The following ADD3 variants were observed in gnomAD, a reference collection of about 807,000 sequenced individuals.
The protein encoded by ADD3 is gamma-adducin.
In ADD3, 25 loss-of-function variants were observed where a neutral mutation model predicts 80.2. The observed-to-expected ratio is 0.31, with a 90% CI of 0.23 to 0.44. The LOEUF (loss-of-function observed/expected upper bound fraction) is 0.44. Among genes scored for constraint, ADD3 ranks in the 20% least tolerant of loss-of-function variants. ADD3 has a pLI of 1.00. For synonymous variants in ADD3, 284 were observed against 289.6 expected, an observed-to-expected ratio of 0.98 and a Z score of 0.20; for missense variants, 829 against 847.5, an observed-to-expected ratio of 0.98 and a Z score of 0.27.
intron 1 of ADD3, among the ~76,000 whole-genome samples, chr10:110,042,215 A>G (rs1856449993): frequency 6.6e-6 from 1 of 152,242 alleles, no homozygotes; most frequent in South Asian, 2.1e-4. Context: ...TATTCTGTGG[A>G]TAAACTAGTG....
chr10:110,085,561 T>C (rs1468870475), intron 1 of ADD3, among the ~76,000 whole-genome samples: 2 of 152,078 alleles, frequency 1.3e-5, no homozygotes, highest in African/African-American at 2.4e-5. Flanking sequence ...TTGGTAGAAG[T>C]CCAGATCCAA....
At chr10:110,096,270 TGTTA>T (rs1482820821) in intron 1 of ADD3, among the ~76,000 whole-genome samples, 1 of 152,232 alleles carries the variant, frequency 6.6e-6, no homozygotes, top group African/African-American at 2.4e-5. Flanking sequence ...AACACATTCT[TGTTA>T]GTTTGTGCTC....
chr10:110,045,285 C>T (rs766723684), intron 1 of ADD3, among the ~76,000 whole-genome samples: 20 of 151,880 alleles, frequency 1.3e-4, no homozygotes, highest in Non-Finnish European at 2.5e-4. Flanking sequence ...ACCCAGGAGT[C>T]GGAGGTTGCA....
In ADD3 at chr10:110,036,137, C is replaced by T. The variant is rs186349333; in HGVS notation, c.-30+27838C>T. ...CTGCACTCCAGCGTGGGCAACAGAACGAGACTCCATCTCAAAAAAACAAAC... is the reference window on the plus strand; with the variant it reads ...CTGCACTCCAGCGTGGGCAACAGAATGAGACTCCATCTCAAAAAAACAAAC... On this transcript the variant is annotated intron_variant, in intron 1 of 14. Transcript: ENST00000356080. Among the ~76,000 whole-genome samples the T allele has an allele frequency of 1.5e-4, 23 of 152,016 alleles. No individual in the cohort carries two copies. The East Asian group carries it at 1.9e-3, about 13-fold the overall frequency.
At chr10:110,114,036 TA>T (rs1464491166) in intron 3 of ADD3, among the ~76,000 whole-genome samples, 1 of 151,926 alleles carries the variant, frequency 6.6e-6, no homozygotes, top group Non-Finnish European at 1.5e-5. Context: ...ACAGAAATAG[TA>T]AAAGAAGCTG....
chr10:109,996,403 G>C (rs573087455), exon 1 of ADD3: 2 of 152,332 alleles, frequency 1.3e-5, no homozygotes, highest in East Asian at 3.9e-4. Flanking sequence ...ATGAGACTGT[G>C]AGAAACTTGG....
At chr10:110,069,693 C>T (rs1365669277) in intron 1 of ADD3, among the ~76,000 whole-genome samples, 1 of 152,152 alleles carries the variant, frequency 6.6e-6, no homozygotes, top group African/African-American at 2.4e-5. Context: ...TAACCTAGAA[C>T]ATTCTTATGC....
chr10:110,133,686 G>T lies in ADD3; in HGVS notation c.*68G>T, dbSNP rs1027875009. 2 of 1,299,270 alleles carry T rather than the reference G, an allele frequency of 1.5e-6. No individual in the cohort carries two copies. Among genetic ancestry groups the T allele is most frequent in the Admixed American group, 2.4e-5 (1 of 41,154 alleles). The allele number at this position is 1,299,270 out of a possible 1,614,324, so 80.5% of individuals were successfully genotyped here. A position where few individuals can be genotyped will look rare whatever the true frequency, so the allele number is the denominator to read the frequency against. ...CACATCTAAATACCACATTTAAGTT[G>T]ATCATTAATATGCAATGGTAGATCA... On this transcript the variant is annotated 3_prime_UTR_variant, in exon 15 of 15. Coordinates refer to ENST00000356080, the MANE Select transcript of ADD3 (RefSeq NM_016824.5).
At chr10:110,014,906 G>A (rs189733414) in intron 1 of ADD3, among the ~76,000 whole-genome samples, 19 of 149,984 alleles carry the variant, frequency 1.3e-4, no homozygotes, top group Admixed American at 5.3e-4. Flanking sequence ...ACGGAGTCTC[G>A]CACTGTTGCC....
At chr10:110,011,943 A>T (rs1169889149) in intron 1 of ADD3, among the ~76,000 whole-genome samples, 2 of 152,210 alleles carry the variant, frequency 1.3e-5, no homozygotes, top group African/African-American at 4.8e-5. Flanking sequence ...TTTTTACTGT[A>T]ATGGGTTGTA....
At chr10:110,007,527 C>A (rs1352350670), upstream of ADD3, among the ~76,000 whole-genome samples, 1 of 152,202 alleles carries the variant, frequency 6.6e-6, no homozygotes, top group Non-Finnish European at 1.5e-5. Context: ...CGAGGCGCCC[C>A]TCCTCCCCTT....
intron 1 of ADD3, among the ~76,000 whole-genome samples, chr10:110,069,868 T>G (rs1844456727): frequency 6.6e-6 from 1 of 152,206 alleles, no homozygotes; most frequent in Admixed American, 6.5e-5. Context: ...CAAGTCAGAT[T>G]AGAGTGAAAG....
chr10:110,063,114 A>T (rs73351006), intron 1 of ADD3, among the ~76,000 whole-genome samples: 18,910 of 152,128 alleles, frequency 0.12, 3,758 homozygotes, highest in African/African-American at 0.42. Flanking sequence ...AACGACTAGA[A>T]GGCCTAATTT....
At chr10:110,100,566 G>A in intron 1 of ADD3, 59 bp from the exon 2 acceptor site, 2 of 1,184,820 alleles carry the variant, frequency 1.7e-6, no homozygotes, top group Non-Finnish European at 2.3e-6. Flanking sequence ...CTTGACCCAT[G>A]TAAATTTTGA....
intron 2 of ADD3, among the ~76,000 whole-genome samples, chr10:110,111,742 C>T (rs1850040885): frequency 6.6e-6 from 1 of 151,996 alleles, no homozygotes; most frequent in Non-Finnish European, 1.5e-5. Context: ...ATAGAGAAAC[C>T]CTGTCTCTAC....
chr10:110,007,213 T>A (rs1482108989), upstream of ADD3, among the ~76,000 whole-genome samples: 1 of 152,070 alleles, frequency 6.6e-6, no homozygotes, highest in Non-Finnish European at 1.5e-5. Context: ...TCTCATAAGG[T>A]TCAGAGGCCG....
chr10:110,100,912 A>G, intron 2 of ADD3, 64 bp downstream of exon 2: 1 of 1,433,890 alleles, frequency 7.0e-7, no homozygotes, highest in Admixed American at 2.5e-5. Context: ...AATAAGGTAG[A>G]AGTTTTCTCA....
chr10:110,024,728 GT>G (rs1854078240), intron 1 of ADD3, among the ~76,000 whole-genome samples: 1 of 152,084 alleles, frequency 6.6e-6, no homozygotes, highest in Non-Finnish European at 1.5e-5. Flanking sequence ...AAAGCACTCA[GT>G]TTTTTAAAAG....
At chr10:110,044,870 A>G (rs888853064) in intron 1 of ADD3, among the ~76,000 whole-genome samples, 5 of 152,240 alleles carry the variant, frequency 3.3e-5, no homozygotes, top group African/African-American at 1.2e-4. Flanking sequence ...ATAACTATGC[A>G]TAGTCAGTCC....
Sources: gnomAD v4.1 joint callset for allele counts (sites outside exome capture counted in the v4.1 genomes callset) on GRCh38, gnomAD v4.1.1 for gene constraint, MANE v1.5 for transcripts, NCBI Gene and HGNC (gene_info 2026-07-23, HGNC 2026-07-21) for gene names.